The following FRAS1 variants were observed in gnomAD, a reference collection of about 807,000 sequenced individuals.
FRAS1 encodes Fraser extracellular matrix complex subunit 1.
In FRAS1, 290 loss-of-function variants were observed where a neutral mutation model predicts 435.2. The observed-to-expected ratio is 0.67, with a 90% CI of 0.61 to 0.73. The LOEUF is 0.73. FRAS1 is among the 30% of genes least tolerant of loss of function. The pLI, the probability that FRAS1 is intolerant of heterozygous loss-of-function variation, is 0.00. For missense variants in FRAS1, 4,860 were observed against 5,001.5 expected (o/e 0.97, Z 0.85); for synonymous variants, 1,800 against 1,851.0 (o/e 0.97, Z 0.71).
At chr4:78,117,955 G>A (rs1446958518) in intron 2 of FRAS1, among the ~76,000 whole-genome samples, 2 of 152,166 alleles carry the variant, frequency 1.3e-5, no homozygotes, top group African/African-American at 4.8e-5. Flanking sequence ...CCCCATCTTT[G>A]TGGTTTTATC....
chr4:78,137,410 CTT>C (rs1299245290), intron 2 of FRAS1, among the ~76,000 whole-genome samples: 4 of 152,064 alleles, frequency 2.6e-5, no homozygotes, highest in Non-Finnish European at 5.9e-5. Flanking sequence ...TATTTTTTCT[CTT>C]AGGCATAATG....
At chr4:78,508,591 G>T in intron 62 of FRAS1, 140 bp from the exon 63 acceptor site, 1 of 834,466 alleles carries the variant, frequency 1.2e-6, no homozygotes, top group Admixed American at 3.0e-5. Context: ...GCCTGGCAAA[G>T]AATTATAAAA....
chr4:78,265,807 G>C (rs918669343), intron 7 of FRAS1, among the ~76,000 whole-genome samples: 1 of 152,134 alleles, frequency 6.6e-6, no homozygotes, highest in Non-Finnish European at 1.5e-5. Context: ...CTCTAAAAAA[G>C]ACTAAATAGA....
chr4:78,085,831 C>T (rs1215464309), intron 2 of FRAS1, among the ~76,000 whole-genome samples: 2 of 152,134 alleles, frequency 1.3e-5, no homozygotes, highest in African/African-American at 2.4e-5. Context: ...TAATGGGAGA[C>T]TTTAACACTC....
At chr4:78,430,607 A>G (rs1734176839) in intron 37 of FRAS1, among the ~76,000 whole-genome samples, 190 bp downstream of exon 37, 1 of 152,064 alleles carries the variant, frequency 6.6e-6, no homozygotes, top group South Asian at 2.1e-4. Context: ...TCCCTGCCCC[A>G]CACCTGCCCC....
chr4:78,080,896 G>A (rs1175691409), intron 2 of FRAS1, among the ~76,000 whole-genome samples: 1 of 152,170 alleles, frequency 6.6e-6, no homozygotes, highest in Non-Finnish European at 1.5e-5. Context: ...TTGAAACTGG[G>A]ATGTGCAGGC....
intron 2 of FRAS1, among the ~76,000 whole-genome samples, chr4:78,203,486 G>A (rs1298526286): frequency 6.6e-6 from 1 of 152,032 alleles, no homozygotes; most frequent in African/African-American, 2.4e-5. Context: ...TGAAACACTC[G>A]TTCTCAATTG....
chr4:78,258,523 A>G (rs1560608612), intron 6 of FRAS1, among the ~76,000 whole-genome samples: 1 of 151,214 alleles, frequency 6.6e-6, no homozygotes, highest in Non-Finnish European at 1.5e-5. Flanking sequence ...TGAATTTTGG[A>G]ATTTAGTGCC....
intron 14 of FRAS1, among the ~76,000 whole-genome samples, chr4:78,302,730 TG>T (rs1728478420): frequency 6.6e-6 from 1 of 152,232 alleles, no homozygotes; most frequent in Admixed American, 6.5e-5. Context: ...TAAATTTGTT[TG>T]AGTTCATTGT....
intron 36 of FRAS1, 69 bp downstream of exon 36, chr4:78,429,295 C>T: frequency 6.6e-7 from 1 of 1,503,824 alleles, no homozygotes; most frequent in Non-Finnish European, 8.9e-7. Context: ...CTCTTCAAAC[C>T]TCTTGATGGT....
chr4:78,321,726 T>G (rs1729514897), intron 18 of FRAS1, among the ~76,000 whole-genome samples: 1 of 150,714 alleles, frequency 6.6e-6, no homozygotes, highest in Non-Finnish European at 1.5e-5. Context: ...GTGCCTGTAG[T>G]CCCAGCTACT....
At chr4:78,139,821 T>A (rs1057024281) in intron 2 of FRAS1, among the ~76,000 whole-genome samples, 4 of 152,220 alleles carry the variant, frequency 2.6e-5, no homozygotes, top group African/African-American at 4.8e-5. Context: ...CTTACCTGGT[T>A]GTCAGAAGTT....
chr4:78,172,950 G>A (rs946588877), intron 2 of FRAS1, among the ~76,000 whole-genome samples: 4 of 151,522 alleles, frequency 2.6e-5, no homozygotes, highest in African/African-American at 7.3e-5. Context: ...GTGCCCTTGC[G>A]GTCTCTGTGT....
chr4:78,482,331 G>A, intron 57 of FRAS1, 57 bp from the exon 58 acceptor site: 3 of 1,604,964 alleles, frequency 1.9e-6, no homozygotes, highest in Non-Finnish European at 2.6e-6. Flanking sequence ...CCTAGTCAAG[G>A]TAAATGGGTG....
chr4:78,081,847 C>A (rs1430882574), intron 2 of FRAS1, among the ~76,000 whole-genome samples: 3 of 152,096 alleles, frequency 2.0e-5, no homozygotes, highest in Admixed American at 6.6e-5. Flanking sequence ...TCTCAAAGAA[C>A]CCTGGTTTGT....
intron 2 of FRAS1, among the ~76,000 whole-genome samples, chr4:78,192,170 G>A (rs1335780622): frequency 6.6e-6 from 1 of 152,168 alleles, no homozygotes; most frequent in African/African-American, 2.4e-5. Flanking sequence ...ATGTGCTGCT[G>A]GATTCAGTTT....
At chr4:78,112,997 G>A (rs892551583) in intron 2 of FRAS1, among the ~76,000 whole-genome samples, 4 of 151,878 alleles carry the variant, frequency 2.6e-5, no homozygotes, top group African/African-American at 9.7e-5. Context: ...CCCACAACAG[G>A]CCCCAGTGTG....
chr4:78,495,576 C>G (rs2109870654), intron 59 of FRAS1, among the ~76,000 whole-genome samples: 1 of 152,220 alleles, frequency 6.6e-6, no homozygotes, highest in Non-Finnish European at 1.5e-5. Flanking sequence ...CATACATGTA[C>G]TACAGATACC....
chr4:78,454,735 C>A (rs1203624287), intron 47 of FRAS1, among the ~76,000 whole-genome samples: 2 of 152,202 alleles, frequency 1.3e-5, no homozygotes, highest in East Asian at 1.9e-4. Flanking sequence ...TGCCTCCCTG[C>A]TGGTCAGTAG....
Sources: allele counts gnomAD v4.1 joint callset (sites outside exome capture counted in the v4.1 genomes callset), GRCh38; gene constraint gnomAD v4.1.1; transcripts MANE v1.5; gene names NCBI Gene and HGNC (gene_info 2026-07-23, HGNC 2026-07-21).